The following ATP8A1 variants were observed in gnomAD, a reference collection of about 807,000 sequenced individuals.
ATP8A1 encodes the protein phospholipid-transporting ATPase IA.
ATP8A1 carries 90 observed loss-of-function variants against 177.7 expected under a neutral mutation model. The ratio of observed to expected loss-of-function variants is 0.51; its 90% CI spans 0.43 to 0.60. The LOEUF is 0.60. Ranked by LOEUF, ATP8A1 falls within the 20% of genes least tolerant of loss-of-function variation. The pLI is 0.00. For synonymous variants in ATP8A1, 493 were observed against 485.9 expected, an observed-to-expected ratio of 1.01 and a Z score of -0.19; for missense variants, 1,072 against 1,392.8, an observed-to-expected ratio of 0.77 and a Z score of 3.67.
chr4:42,413,646 C>T (rs898185348), intron 36 of ATP8A1, among the ~76,000 whole-genome samples: 9 of 152,158 alleles, frequency 5.9e-5, no homozygotes, highest in African/African-American at 2.2e-4. Context: ...TCAGTTCATT[C>T]TAGTGGATTC....
chr4:42,455,276 A>T, intron 29 of ATP8A1, 21 bp downstream of exon 29: 1 of 1,612,766 alleles, frequency 6.2e-7, no homozygotes. Flanking sequence ...AACATGTCCC[A>T]GCCAGGGCAC....
At chr4:42,606,817 C>T (rs369776652) in intron 5 of ATP8A1, among the ~76,000 whole-genome samples, 2 of 152,202 alleles carry the variant, frequency 1.3e-5, no homozygotes, top group Non-Finnish European at 2.9e-5. Context: ...GAGAACATTG[C>T]TGACTCCGGG....
chr4:42,638,587 A>G lies in ATP8A1; in HGVS notation c.50-11478T>C, dbSNP rs547237513. On this transcript the variant is annotated intron_variant, in intron 1 of 36. Transcript: ENST00000381668. Reference sequence around the variant, plus strand: ...GCATGCTGAATTGCTTGGAAATAATAAAACATTTACTAACGCCATTTCATG... The same window carrying G: ...GCATGCTGAATTGCTTGGAAATAATGAAACATTTACTAACGCCATTTCATG... 3.9e-4 allele frequency among the ~76,000 whole-genome samples: 60 copies of G among 152,350 alleles called. 1 individual carries two copies. The South Asian group carries it at 8.1e-3, about 21-fold the overall frequency.
rs532800613 is a variant in ATP8A1 at position 42,584,469 on chromosome 4, C to T, written c.722+1880G>A. Among the ~76,000 whole-genome samples the T allele has an allele frequency of 1.3e-4, 20 of 152,314 alleles. No individual in the cohort carries two copies. The South Asian group carries it at 3.3e-3, about 25-fold the overall frequency. ...ATCAATTTCAATGATCTCCACTTGCCAAACGTAAATATGTTAGTGGTCAGT... is the reference window on the plus strand; with the variant it reads ...ATCAATTTCAATGATCTCCACTTGCTAAACGTAAATATGTTAGTGGTCAGT... On this transcript the variant is annotated intron_variant, in intron 9 of 36. Transcript: ENST00000381668.
intron 12 of ATP8A1, among the ~76,000 whole-genome samples, chr4:42,575,922 A>G (rs190251677): frequency 6.6e-6 from 1 of 152,330 alleles, no homozygotes; most frequent in East Asian, 1.9e-4. Flanking sequence ...ACAGTATGGT[A>G]GTTAGAGCCT....
intron 1 of ATP8A1, among the ~76,000 whole-genome samples, chr4:42,654,206 T>C (rs1195863607): frequency 6.6e-6 from 1 of 151,580 alleles, no homozygotes; most frequent in Non-Finnish European, 1.5e-5. Flanking sequence ...TGTTCAGTAA[T>C]AAGTATGTAC....
At chr4:42,628,985 T>A (rs1490622025) in intron 1 of ATP8A1, among the ~76,000 whole-genome samples, 3 of 152,200 alleles carry the variant, frequency 2.0e-5, no homozygotes, top group African/African-American at 7.2e-5. Context: ...TGTTACTCCA[T>A]CCAGACACAC....
intron 1 of ATP8A1, among the ~76,000 whole-genome samples, chr4:42,640,451 C>G (rs1189399220): frequency 1.3e-5 from 2 of 152,190 alleles, no homozygotes; most frequent in African/African-American, 4.8e-5. Context: ...ACATTAAGTG[C>G]AGCTGATTAA....
In ATP8A1 at chr4:42,412,867, G is replaced by C; in HGVS notation, c.*49C>G. ...GTTAGCAGACTGCGGTGACAACCTG[G>C]TAGCTCTCCTTAGAGAGGTAACAGA... is the stretch of plus-strand genomic sequence containing the variant. On this transcript the variant is annotated 3_prime_UTR_variant, in exon 37 of 37. Coordinates refer to ENST00000381668, the MANE Select transcript of ATP8A1 (RefSeq NM_006095.2). 1 of 1,540,160 alleles carries C rather than the reference G, an allele frequency of 6.5e-7. No homozygotes were observed. Among genetic ancestry groups the C allele is most frequent in the Non-Finnish European group, 9.0e-7 (1 of 1,115,206 alleles).
intron 25 of ATP8A1, among the ~76,000 whole-genome samples, chr4:42,476,715 G>A (rs558401905): frequency 1.3e-5 from 2 of 152,176 alleles, no homozygotes. Flanking sequence ...GTTTGACTAT[G>A]TCAAAGCCAA....
intron 25 of ATP8A1, among the ~76,000 whole-genome samples, chr4:42,470,063 TCA>T (rs1306495288): frequency 1.3e-5 from 2 of 152,234 alleles, no homozygotes; most frequent in African/African-American, 4.8e-5. Context: ...TTTAAATTAT[TCA>T]CAGTTATCTT....
chr4:42,491,565 C>G (rs1722745143), intron 24 of ATP8A1, among the ~76,000 whole-genome samples: 1 of 152,034 alleles, frequency 6.6e-6, no homozygotes, highest in Non-Finnish European at 1.5e-5. Flanking sequence ...TGTGAGGGTG[C>G]CCTAGACAAT....
chr4:42,626,742 G>A, intron 2 of ATP8A1: 1 of 493,862 alleles, frequency 2.0e-6, no homozygotes, highest in East Asian at 3.7e-5. Context: ...CACATAAGCA[G>A]CTTTCATTAT....
chr4:42,489,126 A>C (rs892883052), intron 24 of ATP8A1, among the ~76,000 whole-genome samples: 4 of 152,198 alleles, frequency 2.6e-5, no homozygotes, highest in Non-Finnish European at 4.4e-5. Context: ...TTTCAAACAA[A>C]GGCATTGCTC....
At chr4:42,549,785 C>T (rs538146984) in intron 18 of ATP8A1, among the ~76,000 whole-genome samples, 4 of 152,038 alleles carry the variant, frequency 2.6e-5, no homozygotes, top group African/African-American at 9.6e-5. Context: ...GGTGACAGAG[C>T]AAGACCCCAT....
chr4:42,448,549 C>G (rs10938192), intron 30 of ATP8A1, among the ~76,000 whole-genome samples: 52,446 of 151,130 alleles, frequency 0.35, 9,333 homozygotes, highest in Middle Eastern at 0.48. Context: ...AGGCACACGT[C>G]ACCATGCCCA....
intron 23 of ATP8A1, among the ~76,000 whole-genome samples, chr4:42,505,537 TTCTC>T (rs917473195): frequency 1.7e-4 from 26 of 152,352 alleles, no homozygotes; most frequent in South Asian, 1.7e-3. Context: ...TCTTTCCATT[TTCTC>T]TCTAATAGCA....
At chr4:42,538,074 A>C (rs1728024629) in intron 20 of ATP8A1, among the ~76,000 whole-genome samples, 1 of 152,238 alleles carries the variant, frequency 6.6e-6, no homozygotes, top group Non-Finnish European at 1.5e-5. Flanking sequence ...ATAGGCATAT[A>C]GACCAATGGA....
intron 22 of ATP8A1, among the ~76,000 whole-genome samples, chr4:42,521,450 C>T (rs916716226): frequency 3.3e-5 from 5 of 152,122 alleles, no homozygotes; most frequent in East Asian, 1.9e-4. Context: ...ACCTGGCACA[C>T]GGCAAGAGCT....
Sources: allele counts gnomAD v4.1 joint callset (sites outside exome capture counted in the v4.1 genomes callset), GRCh38; gene constraint gnomAD v4.1.1; transcripts MANE v1.5; gene names NCBI Gene and HGNC (gene_info 2026-07-23, HGNC 2026-07-21).